RARB: variants seen among roughly 807,000 people sequenced by gnomAD.
RARB encodes the protein retinoic acid receptor beta, also known as HBV-activated protein.
In RARB, 17 loss-of-function variants were observed where a neutral mutation model predicts 51.9. The ratio of observed to expected loss-of-function variants is 0.33; its 90% CI spans 0.22 to 0.49. The LOEUF (loss-of-function observed/expected upper bound fraction) is 0.49. RARB is among the 20% of genes least tolerant of loss of function. RARB has a pLI of 0.99. For synonymous variants in RARB, 215 were observed against 195.4 expected (o/e 1.10, Z -0.84); for missense variants, 369 against 550.8 (o/e 0.67, Z 3.30).
intron 5 of RARB, among the ~76,000 whole-genome samples, chr3:25,401,882 T>C (rs996627396): frequency 6.6e-6 from 1 of 152,186 alleles, no homozygotes; most frequent in African/African-American, 2.4e-5. Flanking sequence ...GTTCAAGTGA[T>C]TCTACTACCT....
intron 1 of RARB, among the ~76,000 whole-genome samples, chr3:24,847,248 C>G (rs550344078): frequency 2.0e-5 from 3 of 152,128 alleles, no homozygotes; most frequent in African/African-American, 7.2e-5. Flanking sequence ...AGCAGCTGTC[C>G]CTGGCTTTGA....
chr3:25,293,839 G>A (rs1370952385), intron 5 of RARB, among the ~76,000 whole-genome samples: 1 of 152,124 alleles, frequency 6.6e-6, no homozygotes, highest in Non-Finnish European at 1.5e-5. Context: ...GCCTCACAGG[G>A]TCACAACCTA....
At chr3:24,983,169 C>G (rs1427457341) in intron 2 of RARB, among the ~76,000 whole-genome samples, 1 of 152,144 alleles carries the variant, frequency 6.6e-6, no homozygotes, top group Non-Finnish European at 1.5e-5. Context: ...AGCTGTCACA[C>G]TCCTGGTGAT....
intron 5 of RARB, among the ~76,000 whole-genome samples, chr3:25,219,123 G>A (rs1167734063): frequency 6.6e-6 from 1 of 152,084 alleles, no homozygotes; most frequent in Non-Finnish European, 1.5e-5. Context: ...GGGAACCAAA[G>A]ACCCTTAAAC....
intron 2 of RARB, among the ~76,000 whole-genome samples, chr3:25,024,424 G>C (rs1697700371): frequency 6.6e-6 from 1 of 152,092 alleles, no homozygotes; most frequent in Non-Finnish European, 1.5e-5. Context: ...CATATAAACT[G>C]ACATGATTAA....
At chr3:25,099,974 C>T (rs1255715386) in intron 3 of RARB, among the ~76,000 whole-genome samples, 1 of 152,194 alleles carries the variant, frequency 6.6e-6, no homozygotes, top group Non-Finnish European at 1.5e-5. Context: ...TTTAAAATAT[C>T]ATTTCCTGGT....
At chr3:25,016,650 G>C (rs913305566) in intron 2 of RARB, among the ~76,000 whole-genome samples, 1 of 152,060 alleles carries the variant, frequency 6.6e-6, no homozygotes, top group African/African-American at 2.4e-5. Context: ...ACTTTATCTG[G>C]GGGAACGTAA....
chr3:25,383,865 G>T (rs1290655118), intron 5 of RARB, among the ~76,000 whole-genome samples: 2 of 151,812 alleles, frequency 1.3e-5, no homozygotes, highest in African/African-American at 2.4e-5. Flanking sequence ...GGAAGGCGGA[G>T]GTTGCAGTGA....
chr3:24,975,642 A>G (rs571105767), intron 2 of RARB, among the ~76,000 whole-genome samples: 82 of 152,304 alleles, frequency 5.4e-4, no homozygotes, highest in African/African-American at 1.9e-3. Context: ...TCTGACTCCA[A>G]TGCAATAATT....
chr3:25,133,516 G>C (rs1265639536), intron 4 of RARB, among the ~76,000 whole-genome samples: 2 of 151,934 alleles, frequency 1.3e-5, no homozygotes, highest in African/African-American at 4.8e-5. Flanking sequence ...CAGTGACATG[G>C]TTTACTGCTT....
chr3:24,914,185 G>C (rs1337942325), intron 2 of RARB, among the ~76,000 whole-genome samples: 1 of 152,186 alleles, frequency 6.6e-6, no homozygotes, highest in Non-Finnish European at 1.5e-5. Context: ...AGGGATCTGA[G>C]ACACAAAATG....
intron 3 of RARB, among the ~76,000 whole-genome samples, chr3:25,066,492 T>TGG (rs1698664832): frequency 6.6e-6 from 1 of 152,164 alleles, no homozygotes; most frequent in South Asian, 2.1e-4. Flanking sequence ...TATGGGCAAA[T>TGG]CCAGGAGTTT....
chr3:25,120,847 T>C (rs1448247053), intron 3 of RARB, among the ~76,000 whole-genome samples: 1 of 152,112 alleles, frequency 6.6e-6, no homozygotes, highest in Non-Finnish European at 1.5e-5. Flanking sequence ...TGCCAAAGTT[T>C]CACTGCAAAT....
intron 1 of RARB, among the ~76,000 whole-genome samples, chr3:25,456,682 T>TATATAGAGAG (rs1491372969): frequency 3.1e-4 from 27 of 88,394 alleles, no homozygotes; most frequent in Non-Finnish European, 4.7e-4. Flanking sequence ...TATATATATA[T>TATATAGAGAG]AGAGAGAGAG....
chr3:25,436,535 G>A (rs934829038), intron 1 of RARB, among the ~76,000 whole-genome samples: 1 of 152,148 alleles, frequency 6.6e-6, no homozygotes, highest in African/African-American at 2.4e-5. Flanking sequence ...ATTGTTCACT[G>A]GGGCCCTCCT....
At chr3:25,124,334 A>G (rs145474586) in intron 3 of RARB, among the ~76,000 whole-genome samples, 122 of 152,320 alleles carry the variant, frequency 8.0e-4, no homozygotes, top group African/African-American at 2.8e-3. Flanking sequence ...AGATCATGCC[A>G]CTGCATTTCA....
intron 5 of RARB, among the ~76,000 whole-genome samples, chr3:25,202,009 G>A (rs1163967431): frequency 6.6e-6 from 1 of 152,192 alleles, no homozygotes; most frequent in Non-Finnish European, 1.5e-5. Flanking sequence ...CAGAAGGAAT[G>A]CTACCAGCTC....
chr3:25,325,887 A>C (rs1553604229), intron 5 of RARB, among the ~76,000 whole-genome samples: 1 of 152,170 alleles, frequency 6.6e-6, no homozygotes, highest in Non-Finnish European at 1.5e-5. Flanking sequence ...GTTAAATGCC[A>C]GTTTTCTTAT....
At chr3:24,982,079 A>G (rs1424868114) in intron 2 of RARB, among the ~76,000 whole-genome samples, 1 of 152,152 alleles carries the variant, frequency 6.6e-6, no homozygotes, top group African/African-American at 2.4e-5. Context: ...ATGATATTAT[A>G]TATCATCTGC....
Sources: allele counts gnomAD v4.1 joint callset (sites outside exome capture counted in the v4.1 genomes callset), GRCh38; gene constraint gnomAD v4.1.1; transcripts MANE v1.5; gene names NCBI Gene and HGNC (gene_info 2026-07-23, HGNC 2026-07-21).